The following PCBP2 variants were observed in gnomAD, a reference collection of about 807,000 sequenced individuals.
PCBP2 encodes the protein poly(rC) binding protein 2.
PCBP2 carries 4 observed loss-of-function variants against 50.1 expected under a neutral mutation model. That is an observed-to-expected ratio of 0.08 (90% CI 0.04 to 0.18). The LOEUF (loss-of-function observed/expected upper bound fraction) is 0.18. Among genes scored for constraint, PCBP2 ranks in the 10% least tolerant of loss-of-function variants. The pLI is 1.00. For missense variants in PCBP2, 161 were observed against 474.3 expected, an observed-to-expected ratio of 0.34 and a Z score of 6.14; for synonymous variants, 179 against 168.0, an observed-to-expected ratio of 1.07 and a Z score of -0.51.
chr12:53,463,759 GT>G (rs1941615633), intron 8 of PCBP2, among the ~76,000 whole-genome samples: 2 of 152,200 alleles, frequency 1.3e-5, no homozygotes, highest in African/African-American at 4.8e-5. Flanking sequence ...AAGCAAGTGC[GT>G]TGCTCAAAAC....
intron 13 of PCBP2, 85 bp downstream of exon 13, chr12:53,468,917 CTTTTTTT>C (rs5798266): frequency 3.5e-6 from 2 of 574,216 alleles, no homozygotes; most frequent in Non-Finnish European, 5.8e-6. Context: ...TCCTGCTACC[CTTTTTTT>C]TTTTTTTTTT....
chr12:53,467,715 T>G, intron 11 of PCBP2, 90 bp from the exon 12 acceptor site: 4 of 1,020,006 alleles, frequency 3.9e-6, no homozygotes, highest in Non-Finnish European at 6.0e-6. Flanking sequence ...TTATTTTGTT[T>G]CGTTTTTGGG....
rs1431354252 is a variant in PCBP2 at position 53,456,610 on chromosome 12, C to T, written c.243+609C>T. On this transcript the variant is annotated intron_variant, in intron 5 of 14. Coordinates refer to ENST00000546463, the MANE Select transcript of PCBP2 (RefSeq NM_031989.5). ...TACCAAACTAATATGGTTTACCTGACGTTATAAACACAAATAATCTTCCAA... is the reference window on the plus strand; with the variant it reads ...TACCAAACTAATATGGTTTACCTGATGTTATAAACACAAATAATCTTCCAA... Among the ~76,000 whole-genome samples the T allele has an allele frequency of 2.6e-5, 4 of 152,148 alleles. No homozygotes were observed. In the East Asian group the frequency reaches 5.8e-4, roughly 22 times the overall value.
At chr12:53,468,678 C>T (rs1178017619) in intron 12 of PCBP2, 99 bp from the exon 13 acceptor site, 4 of 905,066 alleles carry the variant, frequency 4.4e-6, no homozygotes, top group Non-Finnish European at 5.5e-6. Flanking sequence ...GCTAATGATG[C>T]TGGGTTTCCA....
At chr12:53,473,706 C>T (rs931046961) in intron 14 of PCBP2, among the ~76,000 whole-genome samples, 4 of 151,992 alleles carry the variant, frequency 2.6e-5, no homozygotes, top group African/African-American at 9.6e-5. Context: ...AAAGATTATG[C>T]ATGCACAAAG....
At chr12:53,460,676 C>T in intron 6 of PCBP2, 1 of 238,634 alleles carries the variant, frequency 4.2e-6, no homozygotes, top group Non-Finnish European at 8.5e-6. Flanking sequence ...TTTTCAGTAA[C>T]ATAATGAAAG....
intron 12 of PCBP2, 126 bp from the exon 13 acceptor site, chr12:53,468,651 A>T: frequency 1.4e-6 from 1 of 739,908 alleles, no homozygotes; most frequent in Non-Finnish European, 2.4e-6. Context: ...CTTCCAAGTT[A>T]GTGATGAATC....
At chr12:53,478,231 C>T (rs1592695407) in intron 14 of PCBP2, among the ~76,000 whole-genome samples, 1 of 152,098 alleles carries the variant, frequency 6.6e-6, no homozygotes, top group Admixed American at 6.6e-5. Context: ...TTTTTAAGGC[C>T]GGGTGTGGTG....
chr12:53,467,156 C>G (rs530596074), intron 10 of PCBP2, 65 bp from the exon 11 acceptor site: 2 of 1,267,058 alleles, frequency 1.6e-6, no homozygotes, highest in Non-Finnish European at 1.1e-6. Flanking sequence ...TTTTCAAATT[C>G]GAATGTGCTT....
chr12:53,455,396 A>T, intron 3 of PCBP2, 26 bp downstream of exon 3: 1 of 1,614,050 alleles, frequency 6.2e-7, no homozygotes, highest in Non-Finnish European at 8.5e-7. Flanking sequence ...TTCAACTTCA[A>T]TTACCATTTA....
At chr12:53,470,190 C>T (rs1018574675) in intron 13 of PCBP2, among the ~76,000 whole-genome samples, 1 of 151,772 alleles carries the variant, frequency 6.6e-6, no homozygotes, top group Non-Finnish European at 1.5e-5. Flanking sequence ...CCAGCCTGAC[C>T]ATAGTGGTGA....
At chr12:53,463,522 T>A (rs779167388) in intron 8 of PCBP2, among the ~76,000 whole-genome samples, 1 of 152,122 alleles carries the variant, frequency 6.6e-6, no homozygotes, top group Non-Finnish European at 1.5e-5. Context: ...GTATTTACAT[T>A]GTATTAGGTA....
chr12:53,459,127 A>C, intron 5 of PCBP2, 145 bp from the exon 6 acceptor site: 2 of 507,332 alleles, frequency 3.9e-6, no homozygotes, highest in Non-Finnish European at 6.6e-6. Context: ...TGAGAGGGGC[A>C]TGGTATTTGA....
rs1252579085 is a variant in PCBP2 at position 53,480,093 on chromosome 12, A to G, written c.*651A>G. The G allele has an allele frequency of 6.6e-6, 1 of 151,560 alleles. No individual in the cohort carries two copies. Among genetic ancestry groups the G allele is most frequent in the Admixed American group, 6.6e-5 (1 of 15,188 alleles). 9.4% of individuals were successfully genotyped at this position (151,560 alleles called of 1,614,324 possible). A position where few individuals can be genotyped will look rare whatever the true frequency, so the allele number is the denominator to read the frequency against. ...ACCTGTCCTAGGGGAGTAGGCAAGC[A>G]CTTCCACTAGGGAGGGGGTGGGGGA... On this transcript the variant is annotated 3_prime_UTR_variant, in exon 15 of 15. Transcript: ENST00000546463.
chr12:53,457,683 A>G (rs995765406), intron 5 of PCBP2, among the ~76,000 whole-genome samples: 2 of 152,088 alleles, frequency 1.3e-5, no homozygotes, highest in African/African-American at 4.8e-5. Flanking sequence ...AAAGAAAGCT[A>G]GAGTACAAAC....
At chr12:53,478,716 G>C (rs1942835388) in intron 14 of PCBP2, among the ~76,000 whole-genome samples, 1 of 152,148 alleles carries the variant, frequency 6.6e-6, no homozygotes, top group South Asian at 2.1e-4. Context: ...TGAGGCAAGA[G>C]AATTGCTTGA....
At chr12:53,468,917 CTTTTTT>C in intron 13 of PCBP2, 85 bp downstream of exon 13, 7 of 574,198 alleles carry the variant, frequency 1.2e-5, no homozygotes, top group South Asian at 4.3e-5. Flanking sequence ...TCCTGCTACC[CTTTTTT>C]TTTTTTTTTT....
intron 7 of PCBP2, among the ~76,000 whole-genome samples, chr12:53,462,051 T>G (rs1277248129): frequency 2.6e-5 from 4 of 152,244 alleles, no homozygotes; most frequent in South Asian, 4.1e-4. Context: ...AAACCTTGAT[T>G]GAGCCTTTGA....
intron 11 of PCBP2, 147 bp from the exon 12 acceptor site, chr12:53,467,658 C>T (rs947965482): frequency 5.4e-5 from 39 of 716,300 alleles, no homozygotes; most frequent in Non-Finnish European, 7.6e-5. Flanking sequence ...AGAGACCATC[C>T]ATTTGTGCCA....
Sources: allele counts gnomAD v4.1 joint callset (sites outside exome capture counted in the v4.1 genomes callset), GRCh38; gene constraint gnomAD v4.1.1; transcripts MANE v1.5; gene names NCBI Gene and HGNC (gene_info 2026-07-23, HGNC 2026-07-21).